The following SEC14L1 variants were observed in gnomAD, a reference collection of about 807,000 sequenced individuals.
The protein encoded by SEC14L1 is SEC14-like protein 1.
A neutral mutation model predicts 85.3 loss-of-function variants in SEC14L1; 48 were observed. The ratio of observed to expected loss-of-function variants is 0.56; its 90% CI spans 0.45 to 0.72. The LOEUF (loss-of-function observed/expected upper bound fraction) is 0.72. SEC14L1 is among the 30% of genes least tolerant of loss of function. SEC14L1 has a pLI of 0.00. For missense variants in SEC14L1, 682 were observed against 921.4 expected (o/e 0.74, Z 3.36); for synonymous variants, 391 against 355.5 (o/e 1.10, Z -1.12).
At chr17:77,110,728 C>G (rs1210690602) in intron 3 of SEC14L1, among the ~76,000 whole-genome samples, 1 of 150,252 alleles carries the variant, frequency 6.7e-6, no homozygotes, top group Non-Finnish European at 1.5e-5. Context: ...AAAAAAAATA[C>G]AAAAAATTAA....
intron 3 of SEC14L1, among the ~76,000 whole-genome samples, chr17:77,146,812 C>T (rs1973332398): frequency 1.3e-5 from 2 of 152,180 alleles, no homozygotes; most frequent in South Asian, 2.1e-4. Flanking sequence ...TTTTTCCTTC[C>T]AAAAGTAGAC....
intron 3 of SEC14L1, among the ~76,000 whole-genome samples, chr17:77,119,324 A>T (rs1972245705): frequency 2.0e-5 from 3 of 151,586 alleles, no homozygotes; most frequent in South Asian, 2.1e-4. Flanking sequence ...AAAAAAAAAA[A>T]ATACAGCCTG....
chr17:77,151,372 G>C (rs966193729), intron 3 of SEC14L1, among the ~76,000 whole-genome samples: 1 of 152,140 alleles, frequency 6.6e-6, no homozygotes, highest in Non-Finnish European at 1.5e-5. Flanking sequence ...CAATTAGAGT[G>C]AGCTTTCATC....
At chr17:77,126,517 G>C (rs1211645539) in intron 3 of SEC14L1, among the ~76,000 whole-genome samples, 1 of 152,300 alleles carries the variant, frequency 6.6e-6, no homozygotes, top group South Asian at 2.1e-4. Context: ...CGGTCTCCCT[G>C]ATATGGAATA....
intron 15 of SEC14L1, among the ~76,000 whole-genome samples, chr17:77,212,504 A>C (rs1976811773): frequency 6.6e-6 from 1 of 152,104 alleles, no homozygotes; most frequent in Admixed American, 6.5e-5. Context: ...CCCCCGCCTC[A>C]TTTCACCGGG....
Position 77,215,670 on chromosome 17 carries a change from C to G in SEC14L1, c.*1647C>G. The G allele has an allele frequency of 2.0e-6, 2 of 991,998 alleles. No homozygotes were observed. The highest frequency in any genetic ancestry group is 2.4e-6 in the Non-Finnish European group (2 of 833,082). The allele number at this position is 991,998 out of a possible 1,614,324, so 61.4% of individuals were successfully genotyped here. ...CACATTTGTGTTTGCTCTTAGAGAT[C>G]GAGCTCCTCAGTGGTACCTGAAGCC... On this transcript the variant is annotated 3_prime_UTR_variant, in exon 17 of 17. Coordinates refer to ENST00000436233, the MANE Select transcript of SEC14L1 (RefSeq NM_001143998.2).
chr17:77,131,085 T>G (rs1972596916), intron 3 of SEC14L1, among the ~76,000 whole-genome samples: 1 of 152,230 alleles, frequency 6.6e-6, no homozygotes, highest in African/African-American at 2.4e-5. Flanking sequence ...GACAGTCTAG[T>G]TTTAGCCAAC....
intron 3 of SEC14L1, among the ~76,000 whole-genome samples, chr17:77,117,680 G>A (rs1439779447): frequency 6.6e-6 from 1 of 152,190 alleles, no homozygotes; most frequent in Admixed American, 6.5e-5. Context: ...GAAATATTTG[G>A]TAGGCTTGAG....
At chr17:77,093,268 T>C (rs1461574208) in exon 3 of SEC14L1, 1 of 152,250 alleles carries the variant, frequency 6.6e-6, no homozygotes, top group Non-Finnish European at 1.5e-5. Flanking sequence ...GACTTGTGTG[T>C]GTGATGAATG....
chr17:77,173,770 C>T (rs1974627584), intron 3 of SEC14L1, among the ~76,000 whole-genome samples: 1 of 152,194 alleles, frequency 6.6e-6, no homozygotes, highest in Admixed American at 6.5e-5. Context: ...AGTATTTTAG[C>T]AGGAGACCTA....
intron 9 of SEC14L1, among the ~76,000 whole-genome samples, chr17:77,201,741 G>T (rs1332441283): frequency 1.3e-5 from 2 of 152,138 alleles, no homozygotes; most frequent in Admixed American, 6.5e-5. Context: ...GAGCCATTGC[G>T]CCCGGCCTCA....
chr17:77,190,750 A>G (rs898939291), intron 3 of SEC14L1, 53 bp from the exon 4 acceptor site: 3 of 1,594,218 alleles, frequency 1.9e-6, no homozygotes. Context: ...CAGCGGCAGG[A>G]CATCAGGTTG....
intron 6 of SEC14L1, 75 bp from the exon 7 acceptor site, chr17:77,194,602 A>G: frequency 1.6e-6 from 2 of 1,256,120 alleles, no homozygotes; most frequent in Non-Finnish European, 2.3e-6. Context: ...GCTAGAAAAA[A>G]AGAAAAATCT....
Position 77,213,421 on chromosome 17 carries a change from G to A in SEC14L1, c.1971G>A (p.Ala657=), listed in dbSNP as rs781520254. The A allele has an allele frequency of 8.1e-6, 13 of 1,613,136 alleles. No homozygotes were observed. The highest frequency in any genetic ancestry group is 2.2e-5 in the East Asian group (1 of 44,902). ...SSLPRVDDVL[A]SLQVSSHKCK... is the part of the protein sequence containing the mutation. ...TTCCCCGGGTGGACGACGTGCTTGCGTCCCTGCAGGTCTCTTCGCACAAGT... is the reference window on the plus strand; with the variant it reads ...TTCCCCGGGTGGACGACGTGCTTGCATCCCTGCAGGTCTCTTCGCACAAGT... The change falls in exon 16 of 17, where the codon GCG becomes GCA. Residue 657 remains alanine, a synonymous_variant. Transcript: ENST00000436233. The surrounding 1 kb of genome is among the most constrained non-coding windows in gnomAD (Gnocchi z 7.1).
chr17:77,200,900 T>C (rs1311303678), intron 9 of SEC14L1, among the ~76,000 whole-genome samples: 1 of 152,214 alleles, frequency 6.6e-6, no homozygotes, highest in Admixed American at 6.5e-5. Flanking sequence ...GACTGCTCTT[T>C]CCTCATGGAC....
chr17:77,205,199 T>C, intron 10 of SEC14L1, 77 bp from the exon 11 acceptor site: 2 of 1,229,860 alleles, frequency 1.6e-6, no homozygotes, highest in Non-Finnish European at 2.4e-6. Flanking sequence ...GCTGTTAGTG[T>C]CCCTCTTCCA....
At chr17:77,202,072 G>A (rs115901752) in intron 9 of SEC14L1, among the ~76,000 whole-genome samples, 194 of 152,192 alleles carry the variant, frequency 1.3e-3, no homozygotes, top group African/African-American at 4.3e-3. Flanking sequence ...CTGACTCTAG[G>A]GATACACTAT....
At chr17:77,126,973 CT>C (rs1477491941) in intron 3 of SEC14L1, among the ~76,000 whole-genome samples, 1 of 150,758 alleles carries the variant, frequency 6.6e-6, no homozygotes, top group South Asian at 2.1e-4. Flanking sequence ...TTCTCTCTCT[CT>C]TTTTTTTAAT....
In SEC14L1 at chr17:77,114,953, C is replaced by A. The variant is rs533617333; in HGVS notation, c.-136+21606C>A. Among the ~76,000 whole-genome samples the A allele has an allele frequency of 5.3e-5, 8 of 151,764 alleles. No homozygotes were observed. The South Asian group carries it at 1.5e-3, about 28-fold the overall frequency. On this transcript the variant is annotated intron_variant, in intron 3 of 19. Transcript: ENST00000392476. The stretch of plus-strand genomic sequence containing the variant: ...CAGGAACACAGGTCTCTTCTCAGTT[C>A]CTGAGAAGAGAACTGTTTTCTTGTT...
Sources: gnomAD v4.1 joint callset for allele counts (sites outside exome capture counted in the v4.1 genomes callset) on GRCh38, gnomAD v4.1.1 for gene constraint, Gnocchi (gnomAD v3.1) non-coding constraint, MANE v1.5 for transcripts, NCBI Gene and HGNC (gene_info 2026-07-23, HGNC 2026-07-21) for gene names.